RELB: variants seen among roughly 807,000 people sequenced by gnomAD.
RELB encodes transcription factor RelB.
In RELB, 14 loss-of-function variants were observed where a neutral mutation model predicts 55.4. The ratio of observed to expected loss-of-function variants is 0.25; its 90% CI spans 0.17 to 0.40. The LOEUF is 0.40. Ranked by LOEUF, RELB falls within the 10% of genes least tolerant of loss-of-function variation. The pLI, the probability that RELB is intolerant of heterozygous loss-of-function variation, is 1.00. For synonymous variants in RELB, 409 were observed against 371.3 expected, an observed-to-expected ratio of 1.10 and a Z score of -1.17; for missense variants, 669 against 830.7, an observed-to-expected ratio of 0.81 and a Z score of 2.39.
chr19:45,011,808 GA>G (rs1971359927), intron 3 of RELB, 127 bp from the exon 4 acceptor site: 1 of 63,700 alleles, frequency 1.6e-5, no homozygotes, highest in African/African-American at 1.6e-4. Flanking sequence ...GAGAGAGAGA[GA>G]GAGAGAGAGA....
chr19:45,012,608 G>T (rs745764193), intron 4 of RELB, among the ~76,000 whole-genome samples: 1 of 151,802 alleles, frequency 6.6e-6, no homozygotes, highest in Non-Finnish European at 1.5e-5. Context: ...GCCGAGTGTG[G>T]TGGCACAATC....
chr19:45,036,252 T>G (rs765924346), intron 11 of RELB, among the ~76,000 whole-genome samples: 3 of 152,084 alleles, frequency 2.0e-5, no homozygotes, highest in Non-Finnish European at 4.4e-5. Context: ...TTTGTATTTT[T>G]GGGAGAGAAG....
intron 2 of RELB, among the ~76,000 whole-genome samples, chr19:45,007,419 C>T (rs1336994909): frequency 2.0e-5 from 3 of 152,206 alleles, no homozygotes; most frequent in Non-Finnish European, 4.4e-5. Context: ...TCTGAATCCT[C>T]ATGTTAGTTC....
intron 2 of RELB, chr19:45,008,495 G>T (rs1971310733): frequency 2.2e-6 from 1 of 456,146 alleles, no homozygotes; most frequent in African/African-American, 2.0e-5. Flanking sequence ...GATTTTCCCA[G>T]TTCAAGTGAC....
chr19:45,022,196 C>G lies in RELB; in HGVS notation c.648C>G (p.Val216=), dbSNP rs1971498113. ...GCAGGGTGCGGCTCCGGCCTCACGT[C>G]AGCCCCCGGCACAGGTACCCACCCC... is the stretch of plus-strand genomic sequence containing the variant. ...GICRVRLRPH[V]SPRHSFNNLG... The change falls in exon 5 of 12, where the codon GTC becomes GTG. Residue 216 remains valine (V), a synonymous_variant. Transcript: ENST00000221452. The G allele has an allele frequency of 6.2e-7, 1 of 1,603,168 alleles. No individual in the cohort carries two copies. The highest frequency in any genetic ancestry group is 1.3e-5 in the African/African-American group (1 of 74,880).
chr19:45,009,947 G>A, intron 3 of RELB, 125 bp downstream of exon 3: 3 of 978,756 alleles, frequency 3.1e-6, no homozygotes, highest in Non-Finnish European at 4.7e-6. Flanking sequence ...CCAGGACTGT[G>A]GAGGGATTTG....
chr19:45,029,046 G>A, intron 8 of RELB, 54 bp downstream of exon 8: 1 of 1,216,272 alleles, frequency 8.2e-7, no homozygotes, highest in South Asian at 1.3e-5. Flanking sequence ...CAACTTGGAG[G>A]GGTAGCCAGG....
chr19:45,023,780 T>C (rs1475372046), intron 5 of RELB, among the ~76,000 whole-genome samples: 2 of 104,168 alleles, frequency 1.9e-5, no homozygotes, highest in Admixed American at 2.8e-4. Context: ...AGACCGAGTC[T>C]CACTCTGTCA....
chr19:45,012,149 A>G lies in RELB; in HGVS notation c.377A>G (p.His126Arg). ...GCGCCGGGCCCGGGCCCGCAGCCGC[A>G]CCTGGTCATCACGGAGCAGCCCAAG... The part of the protein sequence containing the change: ...SPAPGPGPQP[H>R]LVITEQPKQR... Residue 126 changes from histidine (H) to arginine (R), a missense_variant, in exon 4 of 12, where the codon CAC becomes CGC. Around this residue, in one of 3 missense-constraint regions of RELB, gnomAD observed 323 missense variants for 368.5 expected, o/e 0.88. Coordinates refer to ENST00000221452, the MANE Select transcript of RELB (RefSeq NM_006509.4). 6.4e-7 allele frequency: 1 copy of G among 1,563,422 alleles called. No homozygotes were observed.
intron 4 of RELB, among the ~76,000 whole-genome samples, chr19:45,012,781 G>C (rs1381159475): frequency 6.6e-6 from 1 of 151,772 alleles, no homozygotes; most frequent in African/African-American, 2.4e-5. Flanking sequence ...TGGTGCGGTG[G>C]CTCAGGCTTG....
At position 45,034,615 on chromosome 19, in the gene RELB, C is replaced by T; in HGVS notation, c.1354+87C>T. 5.4e-6 allele frequency: 6 copies of T among 1,113,918 alleles called. No homozygotes were observed. In the South Asian group the frequency reaches 8.4e-5, roughly 16 times the overall value. The allele number at this position is 1,113,918 out of a possible 1,614,324, so 69.0% of individuals were successfully genotyped here. On this transcript the variant is annotated intron_variant, in intron 11 of 11. Coordinates refer to ENST00000221452, the MANE Select transcript of RELB (RefSeq NM_006509.4). ...TGCTTTTCTGGCCTCTTCACGCCCT[C>T]CAAGAGCAGCCACAAGGCGAGTCAC...
intron 3 of RELB, 29 bp from the exon 4 acceptor site, chr19:45,011,907 G>A (rs538501341): frequency 1.1e-5 from 15 of 1,365,534 alleles, no homozygotes; most frequent in Middle Eastern, 2.6e-4. Flanking sequence ...AAGAATGGGC[G>A]TCACCACCCG....
Position 45,024,549 on chromosome 19 carries a change from C to A in RELB, c.663-780C>A, listed in dbSNP as rs188328970. Among the ~76,000 whole-genome samples, 218 of 151,708 alleles carry A rather than the reference C, an allele frequency of 1.4e-3. 2 individuals carry two copies. The highest frequency in any genetic ancestry group is 5.1e-3 in the African/African-American group (212 of 41,408). On this transcript the variant is annotated intron_variant, in intron 5 of 11. Transcript: ENST00000221452. ...TCTGGATCTTCTCAAGAACCTTTGACATGCTTATTTTTATTTTTTGAGACA... is the reference window on the plus strand; with the variant it reads ...TCTGGATCTTCTCAAGAACCTTTGAAATGCTTATTTTTATTTTTTGAGACA...
At chr19:45,018,031 C>T (rs1971441264) in intron 4 of RELB, among the ~76,000 whole-genome samples, 1 of 151,428 alleles carries the variant, frequency 6.6e-6, no homozygotes, top group Non-Finnish European at 1.5e-5. Flanking sequence ...TTTTGGGAGG[C>T]CGAGGCAGGT....
At chr19:45,003,254 G>A (rs1971236891) in intron 2 of RELB, among the ~76,000 whole-genome samples, 1 of 152,016 alleles carries the variant, frequency 6.6e-6, no homozygotes, top group South Asian at 2.1e-4. Flanking sequence ...GACGGATCAC[G>A]AGGTCAGGAG....
chr19:45,001,465 C>G lies in RELB; in HGVS notation c.-115C>G, dbSNP rs1971207094. On this transcript the variant is annotated 5_prime_UTR_variant, in exon 1 of 12. Coordinates refer to ENST00000221452, the MANE Select transcript of RELB (RefSeq NM_006509.4). ...GCCCGGCCCGGCCCCGCGCCCCGCGCAGCCCCGGGCGCCGCGCGTCCTGCC... is the reference window on the plus strand; with the variant it reads ...GCCCGGCCCGGCCCCGCGCCCCGCGGAGCCCCGGGCGCCGCGCGTCCTGCC... The G allele has an allele frequency of 4.5e-6, 1 of 222,508 alleles. No individual in the cohort carries two copies. The highest frequency in any genetic ancestry group is 2.4e-5 in the African/African-American group (1 of 42,366). The allele number at this position is 222,508 out of a possible 1,614,324, so 13.8% of individuals were successfully genotyped here.
intron 4 of RELB, among the ~76,000 whole-genome samples, chr19:45,014,903 AT>A (rs11289208): frequency 0.66 from 86,182 of 130,666 alleles, 27,502 homozygotes; most frequent in East Asian, 0.79. Context: ...TGGATTCAGG[AT>A]TTTTTTTTTT....
intron 5 of RELB, among the ~76,000 whole-genome samples, chr19:45,023,427 T>TCCTC (rs1250353795): frequency 6.6e-6 from 1 of 151,620 alleles, no homozygotes; most frequent in Non-Finnish European, 1.5e-5. Context: ...CTTCCTTCCT[T>TCCTC]CCTTCCGTCC....
Position 45,037,528 on chromosome 19 carries a change from C to G in RELB, c.1478C>G (p.Pro493Arg). The change falls in exon 12 of 12, where the codon CCT becomes CGT. Residue 493 changes from proline to arginine, a missense_variant. Around this residue, in one of 3 missense-constraint regions of RELB, gnomAD observed 341 missense variants for 436.8 expected, o/e 0.78. Coordinates refer to ENST00000221452, the MANE Select transcript of RELB (RefSeq NM_006509.4). Reference protein sequence around the residue: ...DLLDDGFAYDPTAPTLFTMLD... With the variant: ...DLLDDGFAYDRTAPTLFTMLD... ...CTGGACGATGGCTTTGCCTACGACC[C>G]TACGGCCCCCACACTCTTCACCATG... 6.2e-7 allele frequency: 1 copy of G among 1,613,432 alleles called. No individual in the cohort carries two copies. Among genetic ancestry groups the G allele is most frequent in the Non-Finnish European group, 8.5e-7 (1 of 1,179,786 alleles).
Sources: gnomAD v4.1 joint callset for allele counts (sites outside exome capture counted in the v4.1 genomes callset) on GRCh38, gnomAD v4.1.1 for gene constraint, gnomAD v4.1.1 regional missense constraint, MANE v1.5 for transcripts, NCBI Gene and HGNC (gene_info 2026-07-23, HGNC 2026-07-21) for gene names.